The following TIAM2 variants were observed in gnomAD, a reference collection of about 807,000 sequenced individuals.
TIAM2 encodes the protein TIAM Rac1 associated GEF 2.
A neutral mutation model predicts 152.9 loss-of-function variants in TIAM2; 80 were observed. That is an observed-to-expected ratio of 0.52 (90% CI 0.44 to 0.63). The LOEUF is 0.63. Ranked by LOEUF, TIAM2 falls within the 30% of genes least tolerant of loss-of-function variation. TIAM2 has a pLI of 0.00. For synonymous variants in TIAM2, 804 were observed against 838.0 expected, an observed-to-expected ratio of 0.96 and a Z score of 0.70; for missense variants, 1,965 against 2,120.1, an observed-to-expected ratio of 0.93 and a Z score of 1.44.
At chr6:155,119,462 C>G (rs1779101803) in intron 2 of TIAM2, among the ~76,000 whole-genome samples, 1 of 152,096 alleles carries the variant, frequency 6.6e-6, no homozygotes, top group African/African-American at 2.4e-5. Context: ...GCCTCAGCCT[C>G]TCGAATAGCT....
At chr6:154,996,072 G>C (rs912613057) in intron 1 of TIAM2, among the ~76,000 whole-genome samples, 3 of 152,236 alleles carry the variant, frequency 2.0e-5, no homozygotes, top group South Asian at 2.1e-4. Context: ...CGGCTCCTGG[G>C]GGGGCTGAGG....
At chr6:155,236,492 A>G (rs1467057295) in intron 15 of TIAM2, among the ~76,000 whole-genome samples, 17 of 151,972 alleles carry the variant, frequency 1.1e-4, no homozygotes, top group Non-Finnish European at 2.9e-5. Flanking sequence ...GCAAAACCCC[A>G]TCTCTACTAA....
intron 21 of TIAM2, among the ~76,000 whole-genome samples, chr6:155,250,314 A>G (rs1283846988): frequency 7.3e-6 from 1 of 136,368 alleles, no homozygotes; most frequent in South Asian, 2.3e-4. Context: ...TTTTTTTAAC[A>G]TCAAATATTG....
chr6:155,097,871 C>G lies in TIAM2; in HGVS notation c.-118+7492C>G, dbSNP rs190417238. Among the ~76,000 whole-genome samples, 167 of 152,218 alleles carry G rather than the reference C, an allele frequency of 1.1e-3. 1 individual carries two copies. The highest frequency in any genetic ancestry group is 4.0e-3 in the African/African-American group (165 of 41,530). On this transcript the variant is annotated intron_variant, in intron 2 of 26. Coordinates refer to ENST00000682666, the MANE Select transcript of TIAM2 (RefSeq NM_012454.4). ...ATGGAGTCTAATTTTATTCTTCTGC[C>G]TATAGTTAACAGTTTTCCCAGCACC...
At position 155,240,010 on chromosome 6, in the gene TIAM2, C is replaced by T. The variant is rs148785646; in HGVS notation, c.3169-520C>T. On this transcript the variant is annotated intron_variant, in intron 15 of 26. Coordinates refer to ENST00000682666, the MANE Select transcript of TIAM2 (RefSeq NM_012454.4). ...AAGACTGTGGAGCTGAGCGGTTAGA[C>T]TGGAGGGCAGAACTCCTGGCCCACT... Among the ~76,000 whole-genome samples, 310 of 152,340 alleles carry T rather than the reference C, an allele frequency of 2.0e-3. 2 individuals are homozygous for T. Among genetic ancestry groups the T allele is most frequent in the African/African-American group, 7.2e-3 (300 of 41,576 alleles).
chr6:155,075,929 C>T (rs970525434), intron 1 of TIAM2, among the ~76,000 whole-genome samples: 5 of 152,150 alleles, frequency 3.3e-5, no homozygotes, highest in African/African-American at 9.7e-5. Flanking sequence ...ACTATCAATA[C>T]ACTGAAAAAA....
At chr6:155,114,036 ATT>A (rs869241399) in intron 2 of TIAM2, among the ~76,000 whole-genome samples, 14 of 34,906 alleles carry the variant, frequency 4.0e-4, no homozygotes, top group Admixed American at 6.5e-4. Flanking sequence ...ATATATATAT[ATT>A]TTTTTTTTTT....
At chr6:155,060,843 C>T (rs374899577) in intron 1 of TIAM2, among the ~76,000 whole-genome samples, 9 of 152,172 alleles carry the variant, frequency 5.9e-5, no homozygotes, top group African/African-American at 1.9e-4. Context: ...TGCAGTGAGC[C>T]GAGATCGTGC....
intron 24 of TIAM2, chr6:155,253,326 C>A: frequency 2.4e-6 from 1 of 413,454 alleles, no homozygotes. Context: ...TGCCTTGATA[C>A]CCTAAAATGT....
At chr6:155,172,408 A>C (rs527952480) in intron 9 of TIAM2, among the ~76,000 whole-genome samples, 105 of 152,024 alleles carry the variant, frequency 6.9e-4, no homozygotes, top group African/African-American at 2.4e-3. Context: ...CTTCCAAAAA[A>C]AATCTTTACA....
chr6:155,187,573 C>CCCTTTTTTTTTTT (rs1189509294), intron 14 of TIAM2, among the ~76,000 whole-genome samples: 2 of 49,612 alleles, frequency 4.0e-5, no homozygotes, highest in African/African-American at 1.6e-4. Flanking sequence ...ACCCCGCCCC[C>CCCTTTTTTTTTTT]TTTTTTTTTT....
intron 6 of TIAM2, among the ~76,000 whole-genome samples, chr6:155,145,707 T>C (rs892196213): frequency 1.2e-4 from 18 of 152,096 alleles, no homozygotes; most frequent in Non-Finnish European, 1.5e-5. Context: ...TTTAGATCTC[T>C]CATAAGGATG....
intron 14 of TIAM2, among the ~76,000 whole-genome samples, chr6:155,195,789 G>A (rs915361237): frequency 2.6e-5 from 4 of 152,196 alleles, no homozygotes; most frequent in South Asian, 2.1e-4. Context: ...ATGGGGCCAC[G>A]TGGCCGTCAG....
rs1205174435 is a variant in TIAM2 at position 155,244,070 on chromosome 6, C to T, written c.3408C>T (p.Thr1136=). The T allele has an allele frequency of 6.2e-7, 1 of 1,613,852 alleles. No individual in the cohort carries two copies. Among genetic ancestry groups the T allele is most frequent in the South Asian group, 1.1e-5 (1 of 91,060 alleles). ...CACTTCAGAATGAGACCTTTCTTAC[C>T]CAAGATGAGGTAAATAAAATCACCT... The part of the protein sequence containing the change: ...LEPLQNETFL[T]QDEMESLFGS... Residue 1136 remains threonine, a synonymous_variant, in exon 17 of 27, where the codon ACC becomes ACT. Transcript: ENST00000682666.
At chr6:155,036,142 T>G (rs1473377435) in intron 1 of TIAM2, among the ~76,000 whole-genome samples, 1 of 152,034 alleles carries the variant, frequency 6.6e-6, no homozygotes, top group African/African-American at 2.4e-5. Context: ...CATCCAGCAA[T>G]TGTGTGTTAA....
intron 1 of TIAM2, among the ~76,000 whole-genome samples, chr6:154,999,293 C>T (rs1260047052): frequency 1.3e-5 from 2 of 152,026 alleles, no homozygotes; most frequent in Non-Finnish European, 2.9e-5. Flanking sequence ...TCACTGCAAC[C>T]TCCATCTCCT....
At chr6:155,148,405 TCATCTTGGTGGTATTTCTTGGCTCA>T (rs1175378896) in intron 7 of TIAM2, 71 bp downstream of exon 7, 6 of 1,413,106 alleles carry the variant, frequency 4.2e-6, no homozygotes, top group African/African-American at 1.4e-5. Context: ...ACGCATGCTG[TCATCTTGGTGGTATTTCTTGGCTCA>T]CATCTTGGTG....
intron 1 of TIAM2, among the ~76,000 whole-genome samples, chr6:155,083,013 G>A (rs1343266467): frequency 1.3e-5 from 2 of 152,090 alleles, no homozygotes; most frequent in Non-Finnish European, 2.9e-5. Context: ...CAGGACTGAT[G>A]ATGAGATGGT....
intron 15 of TIAM2, chr6:155,232,550 G>A (rs1024592967): frequency 6.6e-6 from 1 of 152,206 alleles, no homozygotes; most frequent in Non-Finnish European, 1.5e-5. Flanking sequence ...TTCGGTGCAG[G>A]AGGAGCAGCA....
Sources: gnomAD v4.1 joint callset for allele counts (sites outside exome capture counted in the v4.1 genomes callset) on GRCh38, gnomAD v4.1.1 for gene constraint, MANE v1.5 for transcripts, NCBI Gene and HGNC (gene_info 2026-07-23, HGNC 2026-07-21) for gene names.